Variants in CNTNAP2 observed in about 807,000 individuals in gnomAD.
CNTNAP2 encodes the protein contactin-associated protein-like 2.
In CNTNAP2, 98 loss-of-function variants were observed where a neutral mutation model predicts 155.2. The ratio of observed to expected loss-of-function variants is 0.63; its 90% CI spans 0.54 to 0.75. The LOEUF (loss-of-function observed/expected upper bound fraction) is 0.75, where lower values mean the gene tolerates loss of function less well. Among genes scored for constraint, CNTNAP2 ranks in the 30% least tolerant of loss-of-function variants. The probability of loss-of-function intolerance (pLI) is 0.00; values close to 1 mark genes in which losing one functional copy is unlikely to be tolerated. For missense variants in CNTNAP2, 1,727 were observed against 1,688.1 expected (o/e 1.02, Z -0.40); for synonymous variants, 651 against 631.2 (o/e 1.03, Z -0.47).
At chr7:148,164,545 A>G (rs561280931) in intron 17 of CNTNAP2, among the ~76,000 whole-genome samples, 75 of 150,798 alleles carry the variant, frequency 5.0e-4, no homozygotes, top group Non-Finnish European at 9.6e-4. Context: ...CAGTCCAGAC[A>G]CAGCCCTCCA....
At chr7:147,040,240 T>A (rs1799233192) in intron 3 of CNTNAP2, among the ~76,000 whole-genome samples, 1 of 152,296 alleles carries the variant, frequency 6.6e-6, no homozygotes, top group South Asian at 2.1e-4. Flanking sequence ...TGCAACTCTG[T>A]CTACATTGTT....
intron 4 of CNTNAP2, among the ~76,000 whole-genome samples, chr7:147,091,828 G>C (rs758716463): frequency 2.6e-5 from 4 of 152,074 alleles, no homozygotes; most frequent in Non-Finnish European, 5.9e-5. Flanking sequence ...GGATGATCTC[G>C]ATCTCCTGAC....
intron 13 of CNTNAP2, among the ~76,000 whole-genome samples, chr7:147,875,806 T>C (rs942582388): frequency 1.3e-5 from 2 of 152,198 alleles, no homozygotes; most frequent in African/African-American, 2.4e-5. Flanking sequence ...GCAGGAGGGA[T>C]AGATTTACAT....
intron 13 of CNTNAP2, among the ~76,000 whole-genome samples, chr7:147,797,567 A>G (rs774537035): frequency 6.6e-6 from 1 of 152,184 alleles, no homozygotes; most frequent in Non-Finnish European, 1.5e-5. Flanking sequence ...ATATTTTGTC[A>G]AAATAAGTTT....
chr7:147,338,307 A>AT (rs1795699091), intron 9 of CNTNAP2, among the ~76,000 whole-genome samples: 2 of 150,540 alleles, frequency 1.3e-5, no homozygotes, highest in South Asian at 2.1e-4. Context: ...CTACCTTGAA[A>AT]TTTTAAAAAC....
chr7:147,095,805 A>G (rs183176353), intron 4 of CNTNAP2, among the ~76,000 whole-genome samples: 5 of 152,222 alleles, frequency 3.3e-5, no homozygotes, highest in Non-Finnish European at 5.9e-5. Flanking sequence ...ACAACACTTG[A>G]TGAGCTATTA....
chr7:147,230,116 A>G (rs1803643908), intron 8 of CNTNAP2, among the ~76,000 whole-genome samples: 1 of 152,206 alleles, frequency 6.6e-6, no homozygotes, highest in African/African-American at 2.4e-5. Flanking sequence ...TAAATGAAGA[A>G]CACGCTTTTG....
At chr7:148,260,688 C>G (rs2116830711) in intron 20 of CNTNAP2, among the ~76,000 whole-genome samples, 1 of 152,210 alleles carries the variant, frequency 6.6e-6, no homozygotes, top group East Asian at 1.9e-4. Flanking sequence ...CCCCCTAGGG[C>G]TGAGGGAGCC....
At chr7:146,514,886 T>C (rs919788079) in intron 1 of CNTNAP2, among the ~76,000 whole-genome samples, 4 of 152,128 alleles carry the variant, frequency 2.6e-5, no homozygotes, top group African/African-American at 9.7e-5. Context: ...AGTTTACTTG[T>C]TGAATTCTCT....
chr7:146,978,094 A>T (rs1359435748), intron 3 of CNTNAP2, among the ~76,000 whole-genome samples: 1 of 152,202 alleles, frequency 6.6e-6, no homozygotes, highest in Non-Finnish European at 1.5e-5. Context: ...TTAGCTGTGG[A>T]TAGGAGCCCT....
At chr7:148,213,325 CT>C (rs1347252266) in intron 18 of CNTNAP2, among the ~76,000 whole-genome samples, 1 of 152,166 alleles carries the variant, frequency 6.6e-6, no homozygotes, top group East Asian at 1.9e-4. Context: ...TGCTCTCTGA[CT>C]CCAGTTCTGG....
chr7:147,192,425 A>G (rs940938419), intron 8 of CNTNAP2, among the ~76,000 whole-genome samples: 2 of 152,142 alleles, frequency 1.3e-5, no homozygotes, highest in South Asian at 2.1e-4. Flanking sequence ...CCCTACTTCT[A>G]TATTCTGATC....
chr7:147,613,208 T>G (rs1332933445), intron 12 of CNTNAP2, among the ~76,000 whole-genome samples: 2 of 152,314 alleles, frequency 1.3e-5, no homozygotes, highest in African/African-American at 4.8e-5. Flanking sequence ...AAAACCTCAT[T>G]GTAGTTCTTC....
intron 21 of CNTNAP2, among the ~76,000 whole-genome samples, chr7:148,375,774 C>CTCATAAT (rs1585319970): frequency 1.3e-5 from 1 of 76,570 alleles, no homozygotes; most frequent in South Asian, 4.0e-4. Context: ...GCAGGTGGAT[C>CTCATAAT]ACGAGGTCAG....
chr7:147,811,722 T>C (rs1798182224), intron 13 of CNTNAP2, among the ~76,000 whole-genome samples: 1 of 152,210 alleles, frequency 6.6e-6, no homozygotes, highest in Admixed American at 6.5e-5. Context: ...ATGATCCCCA[T>C]ACATTTTACT....
At chr7:146,185,685 C>G (rs920515096) in intron 1 of CNTNAP2, among the ~76,000 whole-genome samples, 3 of 151,056 alleles carry the variant, frequency 2.0e-5, no homozygotes, top group Admixed American at 1.3e-4. Context: ...TCCTCTAGTT[C>G]TTTCTCATTT....
chr7:146,122,190 C>T (rs1797573051), intron 1 of CNTNAP2, among the ~76,000 whole-genome samples: 1 of 152,188 alleles, frequency 6.6e-6, no homozygotes, highest in African/African-American at 2.4e-5. Flanking sequence ...TCAGCCCCTC[C>T]TTTCTCCTTC....
chr7:146,324,744 G>C (rs1801067738), intron 1 of CNTNAP2, among the ~76,000 whole-genome samples: 1 of 151,544 alleles, frequency 6.6e-6, no homozygotes, highest in South Asian at 2.1e-4. Flanking sequence ...ACTTATTTCA[G>C]TAGGGAAGGC....
chr7:147,275,300 T>C (rs888044792), intron 8 of CNTNAP2, among the ~76,000 whole-genome samples: 2 of 152,068 alleles, frequency 1.3e-5, no homozygotes, highest in Admixed American at 6.6e-5. Context: ...GAGCATGGGA[T>C]GTTTTTTTCT....
Sources: allele counts gnomAD v4.1 joint callset (sites outside exome capture counted in the v4.1 genomes callset), GRCh38; gene constraint gnomAD v4.1.1; transcripts MANE v1.5; gene names NCBI Gene and HGNC (gene_info 2026-07-23, HGNC 2026-07-21).